Variants in BLTP3A observed in about 807,000 individuals in gnomAD.
BLTP3A encodes the protein ICBP90 binding protein 1.
the BLTP3A span, chr6:34,822,057 G>A: frequency 1.4e-6 from 2 of 1,422,348 alleles, no homozygotes; most frequent in African/African-American, 1.4e-5. Context: ...TAGGAATGGT[G>A]GGTGTCTCCT....
chr6:34,835,628 C>T, the BLTP3A span, among the ~76,000 whole-genome samples: 1 of 152,122 alleles, frequency 6.6e-6, no homozygotes, highest in African/African-American at 2.4e-5. Context: ...TTATTCTGTT[C>T]ATTGGGTACC....
the BLTP3A span, among the ~76,000 whole-genome samples, chr6:34,793,408 C>T: frequency 2.0e-5 from 3 of 152,142 alleles, no homozygotes; most frequent in Non-Finnish European, 2.9e-5. Flanking sequence ...GGGGAGATGT[C>T]GGTCAACATG....
chr6:34,820,221 T>A, the BLTP3A span, among the ~76,000 whole-genome samples: 2 of 152,156 alleles, frequency 1.3e-5, no homozygotes, highest in Non-Finnish European at 2.9e-5. Flanking sequence ...TCCCCTCCCT[T>A]ACTTTTATCT....
chr6:34,857,051 T>C, the BLTP3A span: 1 of 1,292,470 alleles, frequency 7.7e-7, no homozygotes, highest in Non-Finnish European at 1.0e-6. Context: ...GGAAGATTAA[T>C]AGTTTGGTCT....
At chr6:34,803,445 C>T in the BLTP3A span, among the ~76,000 whole-genome samples, 1 of 152,154 alleles carries the variant, frequency 6.6e-6, no homozygotes, top group Non-Finnish European at 1.5e-5. Context: ...ACTGTACCCC[C>T]AACCTGCTCA....
At chr6:34,857,608 C>A in the BLTP3A span, 1 of 1,451,060 alleles carries the variant, frequency 6.9e-7, no homozygotes, top group Non-Finnish European at 9.4e-7. Context: ...TTGTTAAACA[C>A]TCTGCCCTGT....
At chr6:34,792,139 G>GGCGGCGGCGGCGGCGGCT in the BLTP3A span, 3 of 959,562 alleles carry the variant, frequency 3.1e-6, no homozygotes, top group African/African-American at 5.3e-5. Flanking sequence ...CGGCGGCGGC[G>GGCGGCGGCGGCGGCGGCT]GCTGTGTCCG....
chr6:34,812,098 G>A, the BLTP3A span, among the ~76,000 whole-genome samples: 12 of 152,012 alleles, frequency 7.9e-5, no homozygotes, highest in African/African-American at 2.9e-4. Context: ...GGAGTCCAAG[G>A]TGGGAGGATC....
the BLTP3A span, chr6:34,858,927 G>A: frequency 6.2e-7 from 1 of 1,614,174 alleles, no homozygotes; most frequent in Non-Finnish European, 8.5e-7. Context: ...AGGATACAGA[G>A]TCAATGACTG....
At chr6:34,818,080 G>A in the BLTP3A span, among the ~76,000 whole-genome samples, 2 of 151,922 alleles carry the variant, frequency 1.3e-5, no homozygotes, top group African/African-American at 4.8e-5. Flanking sequence ...GGATGGTCTC[G>A]ATCTCCTGAC....
the BLTP3A span, chr6:34,874,623 G>C: frequency 6.6e-6 from 1 of 152,344 alleles, no homozygotes; most frequent in East Asian, 1.9e-4. Context: ...ATAATATAAG[G>C]AAATGTATTT....
the BLTP3A span, chr6:34,835,444 C>T: frequency 6.2e-7 from 1 of 1,614,186 alleles, no homozygotes. Context: ...AAGAAAGAGC[C>T]TGGCCCCTGA....
At chr6:34,797,785 C>T in the BLTP3A span, among the ~76,000 whole-genome samples, 9,790 of 152,222 alleles carry the variant, frequency 0.064, 535 homozygotes, top group East Asian at 0.33. Flanking sequence ...ACAATTTAGT[C>T]CCCATAATAA....
chr6:34,855,568 G>T, the BLTP3A span: 1 of 1,602,948 alleles, frequency 6.2e-7, no homozygotes, highest in South Asian at 1.1e-5. Flanking sequence ...GTGGTGGTTT[G>T]GCTTCTTTGT....
chr6:34,799,763 C>T, the BLTP3A span, among the ~76,000 whole-genome samples: 10 of 152,154 alleles, frequency 6.6e-5, no homozygotes, highest in African/African-American at 1.2e-4. Context: ...GGCATAATAA[C>T]GCATAATGCT....
chr6:34,837,149 C>T, the BLTP3A span, among the ~76,000 whole-genome samples: 928 of 152,286 alleles, frequency 6.1e-3, 10 homozygotes, highest in African/African-American at 0.021. Context: ...CTCTCCATTG[C>T]CATCAGTTCT....
At chr6:34,867,098 A>G in the BLTP3A span, 3 of 1,067,886 alleles carry the variant, frequency 2.8e-6, no homozygotes, top group Non-Finnish European at 3.8e-6. Flanking sequence ...TTAGTCCTCA[A>G]ATTTCTAGTT....
chr6:34,815,470 G>C, the BLTP3A span, among the ~76,000 whole-genome samples: 1 of 150,856 alleles, frequency 6.6e-6, no homozygotes, highest in East Asian at 2.0e-4. Flanking sequence ...GGCTGGTCTT[G>C]AACTCCTGAC....
the BLTP3A span, among the ~76,000 whole-genome samples, chr6:34,794,304 C>A: frequency 1.3e-5 from 2 of 152,078 alleles, no homozygotes; most frequent in Non-Finnish European, 2.9e-5. Context: ...TCATGTACCC[C>A]ATAAATATAT....
Sources: gnomAD v4.1 joint callset for allele counts (sites outside exome capture counted in the v4.1 genomes callset) on GRCh38, gnomAD v4.1.1 for gene constraint, MANE v1.5 for transcripts, NCBI Gene and HGNC (gene_info 2026-07-23, HGNC 2026-07-21) for gene names.